The following PTPN9 variants were observed in gnomAD, a reference collection of about 807,000 sequenced individuals.
PTPN9 encodes the protein protein tyrosine phosphatase non-receptor type 9.
Under a neutral mutation model 69.8 loss-of-function variants are expected in PTPN9, and 26 were observed. The ratio of observed to expected loss-of-function variants is 0.37; its 90% CI spans 0.27 to 0.52. The LOEUF is 0.52. Ranked by LOEUF, PTPN9 falls within the 20% of genes least tolerant of loss-of-function variation. PTPN9 has a pLI of 0.91. For missense variants in PTPN9, 549 were observed against 740.3 expected, an observed-to-expected ratio of 0.74 and a Z score of 3.00; for synonymous variants, 274 against 272.5, an observed-to-expected ratio of 1.01 and a Z score of -0.05.
intron 1 of PTPN9, among the ~76,000 whole-genome samples, chr15:75,543,642 G>C (rs2075018916): frequency 6.6e-6 from 1 of 152,150 alleles, no homozygotes; most frequent in South Asian, 2.1e-4. Context: ...AGGAGAACTA[G>C]GTAGCTGGGA....
intron 1 of PTPN9, 123 bp from the exon 2 acceptor site, chr15:75,527,384 A>C (rs2074934087): frequency 1.9e-6 from 2 of 1,056,352 alleles, no homozygotes; most frequent in Non-Finnish European, 2.7e-6. Flanking sequence ...TGCTACAGGG[A>C]GCAGGGAAAG....
At chr15:75,480,901 G>C in intron 8 of PTPN9, 1 of 260,428 alleles carries the variant, frequency 3.8e-6, no homozygotes, top group Non-Finnish European at 7.0e-6. Context: ...ACCCCGTCTG[G>C]GAAGTGAGGA....
intron 6 of PTPN9, among the ~76,000 whole-genome samples, chr15:75,507,841 G>C (rs1463813951): frequency 2.0e-5 from 3 of 151,686 alleles, no homozygotes; most frequent in African/African-American, 7.3e-5. Context: ...TCAGGAGTTC[G>C]AGACCAGCCT....
At chr15:75,497,587 C>T (rs1009392600) in intron 7 of PTPN9, among the ~76,000 whole-genome samples, 5 of 151,376 alleles carry the variant, frequency 3.3e-5, no homozygotes, top group African/African-American at 9.7e-5. Context: ...GATCACCTGA[C>T]GTGAGGAGCT....
At chr15:75,477,466 G>A (rs2074602449) in intron 9 of PTPN9, among the ~76,000 whole-genome samples, 1 of 152,138 alleles carries the variant, frequency 6.6e-6, no homozygotes, top group Admixed American at 6.6e-5. Flanking sequence ...ATGGTGGCAG[G>A]TGCCTGTAAT....
intron 1 of PTPN9, among the ~76,000 whole-genome samples, chr15:75,570,524 C>G (rs553753319): frequency 1.3e-5 from 2 of 152,266 alleles, no homozygotes; most frequent in Admixed American, 1.3e-4. Flanking sequence ...AATCCCAACA[C>G]TTTGGGAGGC....
chr15:75,525,514 T>A (rs1037109446), intron 2 of PTPN9, among the ~76,000 whole-genome samples: 1 of 151,432 alleles, frequency 6.6e-6, no homozygotes, highest in African/African-American at 2.4e-5. Context: ...TCCTCTTAAA[T>A]GACAAGGTTG....
chr15:75,504,137 GC>G (rs1468778537), intron 7 of PTPN9, among the ~76,000 whole-genome samples: 2 of 117,762 alleles, frequency 1.7e-5, no homozygotes, highest in Non-Finnish European at 3.5e-5. Context: ...GGGGAGGTCA[GC>G]CCCCCGCCCG....
At chr15:75,524,777 C>A (rs1410870901) in intron 2 of PTPN9, among the ~76,000 whole-genome samples, 208 of 72,918 alleles carry the variant, frequency 2.9e-3, no homozygotes, top group South Asian at 6.7e-3. Context: ...GACTCTGTCT[C>A]AAAAAAAAAA....
intron 1 of PTPN9, among the ~76,000 whole-genome samples, chr15:75,547,201 A>C (rs1357495613): frequency 1.1e-4 from 16 of 150,800 alleles, no homozygotes; most frequent in Admixed American, 1.0e-3. Context: ...AGGCTGAGGC[A>C]GGAGAATCGC....
intron 9 of PTPN9, among the ~76,000 whole-genome samples, chr15:75,476,000 G>A (rs923959962): frequency 1.3e-5 from 2 of 152,062 alleles, no homozygotes; most frequent in Admixed American, 6.5e-5. Flanking sequence ...CTAGCCAGGT[G>A]TAGTAGCACA....
chr15:75,486,318 G>A (rs1259373210), intron 8 of PTPN9, among the ~76,000 whole-genome samples: 3 of 152,052 alleles, frequency 2.0e-5, no homozygotes, highest in African/African-American at 4.8e-5. Flanking sequence ...AGGTGATTAG[G>A]ACCATGAGGA....
intron 1 of PTPN9, among the ~76,000 whole-genome samples, chr15:75,577,372 T>G (rs1461908842): frequency 2.0e-5 from 3 of 152,190 alleles, no homozygotes; most frequent in African/African-American, 7.2e-5. Context: ...ACTTCCCAAT[T>G]CTGGCAGAAT....
intron 1 of PTPN9, among the ~76,000 whole-genome samples, chr15:75,558,798 C>T (rs1196268981): frequency 3.3e-5 from 5 of 151,746 alleles, no homozygotes; most frequent in South Asian, 2.1e-4. Flanking sequence ...CCCAAGGTGC[C>T]GGGATTGCAG....
At chr15:75,519,336 C>T (rs1452713743) in intron 4 of PTPN9, among the ~76,000 whole-genome samples, 2 of 152,158 alleles carry the variant, frequency 1.3e-5, no homozygotes, top group Admixed American at 6.5e-5. Context: ...AACTCCTGAC[C>T]TCAGGTGATC....
At chr15:75,470,082 C>T in intron 11 of PTPN9, 83 bp from the exon 12 acceptor site, 1 of 1,227,736 alleles carries the variant, frequency 8.1e-7, no homozygotes, top group Non-Finnish European at 1.2e-6. Context: ...ATTCTCAACA[C>T]CCTGGTTATC....
At chr15:75,480,767 G>C (rs1220441010) in intron 8 of PTPN9, 10 of 1,181,464 alleles carry the variant, frequency 8.5e-6, no homozygotes, top group South Asian at 2.3e-5. Flanking sequence ...CCGCCGCGCC[G>C]GCGAGCGCCG....
chr15:75,521,089 G>A (rs1332981595), intron 4 of PTPN9, among the ~76,000 whole-genome samples: 1 of 152,052 alleles, frequency 6.6e-6, no homozygotes, highest in Non-Finnish European at 1.5e-5. Flanking sequence ...GGGCTCAAGC[G>A]ATCCTCTCAC....
chr15:75,543,926 G>A (rs1384363863), intron 1 of PTPN9, among the ~76,000 whole-genome samples: 1 of 152,116 alleles, frequency 6.6e-6, no homozygotes, highest in Non-Finnish European at 1.5e-5. Flanking sequence ...GCTGTTTCAC[G>A]AACTGCTAGC....
Sources: gnomAD v4.1 joint callset for allele counts (sites outside exome capture counted in the v4.1 genomes callset) on GRCh38, gnomAD v4.1.1 for gene constraint, MANE v1.5 for transcripts, NCBI Gene and HGNC (gene_info 2026-07-23, HGNC 2026-07-21) for gene names.